PRKN: variants seen among roughly 807,000 people sequenced by gnomAD.
PRKN encodes parkin RBR E3 ubiquitin protein ligase.
PRKN carries 56 observed loss-of-function variants against 59.5 expected under a neutral mutation model. The observed-to-expected ratio is 0.94, with a 90% CI of 0.76 to 1.18. The LOEUF (loss-of-function observed/expected upper bound fraction) is 1.18, where lower values mean the gene tolerates loss of function less well. PRKN is among the 50% of genes most tolerant of loss of function. The probability of loss-of-function intolerance (pLI) is 0.00; values close to 1 mark genes in which losing one functional copy is unlikely to be tolerated. For synonymous variants in PRKN, 250 were observed against 222.1 expected, an observed-to-expected ratio of 1.13 and a Z score of -1.12; for missense variants, 657 against 596.4, an observed-to-expected ratio of 1.10 and a Z score of -1.06.
At chr6:161,660,966 C>T (rs1467156416) in intron 7 of PRKN, among the ~76,000 whole-genome samples, 2 of 152,156 alleles carry the variant, frequency 1.3e-5, no homozygotes, top group Admixed American at 1.3e-4. Context: ...CCATCTTTCA[C>T]TCTGCTGCCT....
At chr6:161,894,442 C>G (rs905314098) in intron 6 of PRKN, among the ~76,000 whole-genome samples, 1 of 152,170 alleles carries the variant, frequency 6.6e-6, no homozygotes, top group African/African-American at 2.4e-5. Context: ...TTTCCATTCC[C>G]TTCTAAACTA....
At chr6:161,982,777 C>G (rs371114414) in intron 5 of PRKN, among the ~76,000 whole-genome samples, 6 of 44,060 alleles carry the variant, frequency 1.4e-4, no homozygotes, top group Non-Finnish European at 2.0e-4. Flanking sequence ...AAGATTTAAA[C>G]GTTAAACCTA....
intron 2 of PRKN, among the ~76,000 whole-genome samples, chr6:162,281,638 TATAA>T: frequency 6.6e-6 from 1 of 152,320 alleles, no homozygotes; most frequent in Non-Finnish European, 1.5e-5. Context: ...AAAGCTATTG[TATAA>T]ATACAGATTA....
At chr6:161,662,279 T>A (rs572172563) in intron 7 of PRKN, among the ~76,000 whole-genome samples, 53 of 152,288 alleles carry the variant, frequency 3.5e-4, no homozygotes, top group African/African-American at 1.2e-3. Context: ...TGTGCTGACC[T>A]GGATGCAGAC....
intron 6 of PRKN, among the ~76,000 whole-genome samples, chr6:161,890,905 C>T (rs1317550325): frequency 6.6e-6 from 1 of 152,168 alleles, no homozygotes. Flanking sequence ...CCTTGCCAAC[C>T]AGTACACTAG....
Position 162,606,628 on chromosome 6 carries a change from A to G in PRKN, c.7+121034T>C, listed in dbSNP as rs1781927693. Reference sequence around the variant, plus strand: ...AGATGGAGAGTCACAGATGGGAGGAAAAACTGACAGGACTTGGTGATAGAT... The same window carrying G: ...AGATGGAGAGTCACAGATGGGAGGAGAAACTGACAGGACTTGGTGATAGAT... On this transcript the variant is annotated intron_variant, in intron 1 of 11. Coordinates refer to ENST00000366898, the MANE Select transcript of PRKN (RefSeq NM_004562.3). Among the ~76,000 whole-genome samples, 3 of 152,200 alleles carry G rather than the reference A, an allele frequency of 2.0e-5. 1 individual carries two copies. The highest frequency in any genetic ancestry group is 2.0e-4 in the Admixed American group (3 of 15,278).
At chr6:162,390,613 G>A (rs559308561) in intron 2 of PRKN, among the ~76,000 whole-genome samples, 2 of 151,708 alleles carry the variant, frequency 1.3e-5, no homozygotes, top group East Asian at 2.0e-4. Context: ...GCTAATATTT[G>A]TATTTTTTTA....
chr6:162,190,354 T>G (rs1784221651), intron 4 of PRKN, among the ~76,000 whole-genome samples: 1 of 152,186 alleles, frequency 6.6e-6, no homozygotes, highest in South Asian at 2.1e-4. Context: ...TAATCCCCAC[T>G]TTAGAAAACA....
intron 4 of PRKN, among the ~76,000 whole-genome samples, chr6:162,193,504 C>T (rs1784374721): frequency 2.0e-5 from 3 of 152,186 alleles, no homozygotes; most frequent in Non-Finnish European, 4.4e-5. Flanking sequence ...CCATCCTCTT[C>T]TTCTCTTAAC....
intron 2 of PRKN, among the ~76,000 whole-genome samples, chr6:162,276,607 T>A (rs1780646321): frequency 6.6e-6 from 1 of 152,108 alleles, no homozygotes; most frequent in Admixed American, 6.6e-5. Flanking sequence ...GTCAAAGATG[T>A]CTCACTTCTA....
At chr6:162,549,722 G>A (rs545962837) in intron 1 of PRKN, among the ~76,000 whole-genome samples, 4 of 147,270 alleles carry the variant, frequency 2.7e-5, no homozygotes, top group South Asian at 2.1e-4. Context: ...CACTGCAACC[G>A]CTGCCTCCTG....
intron 1 of PRKN, among the ~76,000 whole-genome samples, chr6:162,585,868 ATT>A (rs111600883): frequency 2.6e-5 from 4 of 151,544 alleles, no homozygotes; most frequent in African/African-American, 4.8e-5. Flanking sequence ...TGCCCGGCTA[ATT>A]TTTTTTGTGT....
intron 8 of PRKN, among the ~76,000 whole-genome samples, chr6:161,558,562 C>T (rs1041901529): frequency 8.4e-6 from 1 of 118,932 alleles, no homozygotes; most frequent in Admixed American, 8.7e-5. Context: ...GAGACTTTCT[C>T]AAAAAAAAAA....
Position 162,443,328 on chromosome 6 carries a change from C to G in PRKN, c.153G>C (p.Arg51Ser), listed in dbSNP as rs1309785126. The G allele has an allele frequency of 6.2e-7, 1 of 1,612,432 alleles. No homozygotes were observed. Among genetic ancestry groups the G allele is most frequent in the African/African-American group, 1.3e-5 (1 of 74,864 alleles). Reference sequence around the variant, plus strand: ...GACTCACCTGCACAGTCCAGTCATTCCTCAGCTCCTTCCCTGCGAAAATCA... The same window carrying G: ...GACTCACCTGCACAGTCCAGTCATTGCTCAGCTCCTTCCCTGCGAAAATCA... ...LRVIFAGKEL[R>S]NDWTVQNCDL... Residue 51 changes from arginine (R) to serine (S), a missense_variant, in exon 2 of 12, where the codon AGG (arginine) becomes AGC (serine). By Grantham distance (110) the Arg-to-Ser change is moderately radical. Transcript: ENST00000366898.
At chr6:161,653,583 G>T (rs1784228062) in intron 7 of PRKN, among the ~76,000 whole-genome samples, 1 of 152,172 alleles carries the variant, frequency 6.6e-6, no homozygotes, top group Non-Finnish European at 1.5e-5. Flanking sequence ...TAGGAACTTT[G>T]TTCCACTAAC....
chr6:161,777,118 T>C (rs1789957983), intron 7 of PRKN, among the ~76,000 whole-genome samples: 1 of 152,154 alleles, frequency 6.6e-6, no homozygotes, highest in African/African-American at 2.4e-5. Context: ...TTCCTTCATT[T>C]ATAAAAATGA....
intron 6 of PRKN, among the ~76,000 whole-genome samples, chr6:161,791,024 G>T (rs1790616548): frequency 6.6e-6 from 1 of 152,130 alleles, no homozygotes; most frequent in African/African-American, 2.4e-5. Context: ...TGGGTCTTTT[G>T]TTCCTCCTGA....
intron 5 of PRKN, among the ~76,000 whole-genome samples, chr6:162,051,104 T>G (rs1026033018): frequency 1.3e-5 from 2 of 152,134 alleles, no homozygotes; most frequent in Non-Finnish European, 2.9e-5. Context: ...GGATCTCCTA[T>G]GCAAAGAAAG....
chr6:162,113,459 C>T (rs942960352), intron 4 of PRKN, among the ~76,000 whole-genome samples: 2 of 152,132 alleles, frequency 1.3e-5, no homozygotes, highest in African/African-American at 2.4e-5. Context: ...TCTTAAGTGT[C>T]TCACATCAGT....
Sources: gnomAD v4.1 joint callset for allele counts (sites outside exome capture counted in the v4.1 genomes callset) on GRCh38, gnomAD v4.1.1 for gene constraint, MANE v1.5 for transcripts, NCBI Gene and HGNC (gene_info 2026-07-23, HGNC 2026-07-21) for gene names.